Variants in TTC6 observed in about 807,000 individuals in gnomAD.
TTC6 encodes the protein tetratricopeptide repeat domain 6, also known as tetratricopeptide repeat protein 6.
In TTC6, 172 loss-of-function variants were observed where a neutral mutation model predicts 210.4. That is an observed-to-expected ratio of 0.82 (90% confidence interval 0.72 to 0.93). The LOEUF (loss-of-function observed/expected upper bound fraction) is 0.93. TTC6 is among the 40% of genes least tolerant of loss of function. The pLI is 0.00. For missense variants in TTC6, 2,414 were observed against 2,318.1 expected (o/e 1.04, Z -0.85); for synonymous variants, 804 against 819.6 (o/e 0.98, Z 0.32).
At chr14:37,722,046 T>G (rs1224413490) in intron 6 of TTC6, among the ~76,000 whole-genome samples, 1 of 151,776 alleles carries the variant, frequency 6.6e-6, no homozygotes, top group Non-Finnish European at 1.5e-5. Flanking sequence ...TAGGTTTCAT[T>G]TAAATGAAAT....
chr14:37,713,463 C>T (rs1566904912), intron 5 of TTC6, among the ~76,000 whole-genome samples: 1 of 152,180 alleles, frequency 6.6e-6, no homozygotes. Flanking sequence ...GTCTTGAACT[C>T]CTGGCCTCAA....
intron 1 of TTC6, among the ~76,000 whole-genome samples, chr14:37,639,891 A>T (rs1409185618): frequency 6.7e-6 from 1 of 149,782 alleles, no homozygotes; most frequent in Non-Finnish European, 1.5e-5. Context: ...GTCTTAAAAA[A>T]AAAAAAAAAA....
chr14:37,680,269 C>G lies in TTC6; in HGVS notation c.1050+8C>G. On this transcript the variant is annotated splice_region_variant and intron_variant, in intron 2 of 30. Transcript: ENST00000553443. ...GCTGAGGAATCGCAAATGGTAAAGT[C>G]TTTAATAAAAATCCTCCTTGCCTCT... 6.7e-7 allele frequency: 1 copy of G among 1,488,858 alleles called. No homozygotes were observed. The highest frequency in any genetic ancestry group is 9.0e-7 in the Non-Finnish European group (1 of 1,114,164). 92.2% of individuals were successfully genotyped at this position (1,488,858 alleles called of 1,614,324 possible). A position where few individuals can be genotyped will look rare whatever the true frequency, so the allele number is the denominator to read the frequency against.
At chr14:37,815,166 T>G (rs943153772) in intron 25 of TTC6, among the ~76,000 whole-genome samples, 2 of 152,316 alleles carry the variant, frequency 1.3e-5, no homozygotes, top group East Asian at 3.9e-4. Context: ...ACTGCCATTC[T>G]CGATCTAAAT....
intron 14 of TTC6, among the ~76,000 whole-genome samples, chr14:37,773,664 G>T (rs2096027892): frequency 1.3e-5 from 2 of 152,150 alleles, no homozygotes; most frequent in Non-Finnish European, 2.9e-5. Context: ...CTGTGGCCTT[G>T]TAGTATAGTT....
rs535345751 is a variant in TTC6 at position 37,622,571 on chromosome 14, C to T, written c.507C>T (p.Ser169=). The T allele has an allele frequency of 8.6e-5, 132 of 1,534,210 alleles. No homozygotes were observed. In the African/African-American group the frequency reaches 1.7e-3, roughly 20 times the overall value. The change falls in exon 1 of 31, where the codon AGC becomes AGT. Residue 169 remains serine, a synonymous_variant. Transcript: ENST00000553443. ...GCAGAGCGCGCGGGGTCTTGGAGAG[C>T]TCGCGGCACGCGGCTCCCAGGCGGG...
chr14:37,671,365 C>G (rs930097583), intron 1 of TTC6, among the ~76,000 whole-genome samples: 1 of 152,084 alleles, frequency 6.6e-6, no homozygotes, highest in Non-Finnish European at 1.5e-5. Flanking sequence ...TTACACAGGT[C>G]TGCCCTATTC....
intron 17 of TTC6, among the ~76,000 whole-genome samples, chr14:37,793,540 G>T (rs1397057805): frequency 6.6e-6 from 1 of 152,170 alleles, no homozygotes; most frequent in African/African-American, 2.4e-5. Flanking sequence ...TGGAGGTAGG[G>T]ACCTAGGGCA....
chr14:37,657,212 CAAAA>C (rs61052302), intron 1 of TTC6, among the ~76,000 whole-genome samples: 3 of 35,622 alleles, frequency 8.4e-5, no homozygotes, highest in Admixed American at 4.1e-4. Flanking sequence ...AACTCTGTCT[CAAAA>C]AAAAAAAAAA....
intron 14 of TTC6, among the ~76,000 whole-genome samples, chr14:37,781,161 A>G (rs2096053714): frequency 1.3e-5 from 2 of 152,164 alleles, no homozygotes; most frequent in African/African-American, 4.8e-5. Flanking sequence ...GGATTGCTGG[A>G]GCAAATGGTA....
At chr14:37,789,595 C>G in intron 15 of TTC6, among the ~76,000 whole-genome samples, 1 of 17,838 alleles carries the variant, frequency 5.6e-5, no homozygotes, top group East Asian at 2.8e-3. Flanking sequence ...TTGGTTTCCT[C>G]TTATATATAT....
intron 26 of TTC6, among the ~76,000 whole-genome samples, chr14:37,822,697 C>T (rs999376904): frequency 3.3e-5 from 5 of 152,126 alleles, no homozygotes; most frequent in South Asian, 2.1e-4. Context: ...TTCTTGTGCA[C>T]CAACCACAGG....
intron 1 of TTC6, among the ~76,000 whole-genome samples, chr14:37,597,429 C>CA (rs907112029): frequency 1.3e-5 from 2 of 151,214 alleles, no homozygotes; most frequent in East Asian, 3.9e-4. Context: ...TTATAGTGCA[C>CA]AAAAAAGTTG....
chr14:37,723,346 T>A (rs1398569936), intron 6 of TTC6, among the ~76,000 whole-genome samples: 3 of 152,178 alleles, frequency 2.0e-5, no homozygotes, highest in Non-Finnish European at 1.5e-5. Flanking sequence ...CTTCTAGGTC[T>A]TGTCAGCTGT....
chr14:37,816,257 A>G (rs1411366878), intron 25 of TTC6, among the ~76,000 whole-genome samples: 1 of 152,154 alleles, frequency 6.6e-6, no homozygotes, highest in African/African-American at 2.4e-5. Context: ...GAGTGCTCAG[A>G]TTAACCTTAA....
intron 14 of TTC6, among the ~76,000 whole-genome samples, chr14:37,785,278 T>A (rs1414503785): frequency 2.0e-5 from 3 of 152,206 alleles, no homozygotes; most frequent in Non-Finnish European, 4.4e-5. Flanking sequence ...ATAGATTTGG[T>A]CTTTTCACAT....
chr14:37,812,202 C>A, intron 24 of TTC6, 112 bp from the exon 27 acceptor site: 1 of 1,124,414 alleles, frequency 8.9e-7, no homozygotes, highest in Non-Finnish European at 1.2e-6. Context: ...AATTATAAAA[C>A]AAATTGAAGA....
chr14:37,811,815 C>G (rs1442230001), intron 24 of TTC6, among the ~76,000 whole-genome samples: 3 of 152,116 alleles, frequency 2.0e-5, no homozygotes, highest in Non-Finnish European at 4.4e-5. Context: ...TTCATTGATT[C>G]ATGATTTTTT....
At chr14:37,688,339 C>T (rs1316607428) in intron 3 of TTC6, among the ~76,000 whole-genome samples, 1 of 152,166 alleles carries the variant, frequency 6.6e-6, no homozygotes, top group Non-Finnish European at 1.5e-5. Context: ...TCCTGGATGG[C>T]ACCTCTGGTT....
Sources: allele counts gnomAD v4.1 joint callset (sites outside exome capture counted in the v4.1 genomes callset), GRCh38; gene constraint gnomAD v4.1.1; transcripts MANE v1.5; gene names NCBI Gene and HGNC (gene_info 2026-07-23, HGNC 2026-07-21).